ADCY2: variants seen among roughly 807,000 people sequenced by gnomAD.
ADCY2 encodes adenylate cyclase 2.
A neutral mutation model predicts 125.2 loss-of-function variants in ADCY2; 31 were observed. The observed-to-expected ratio is 0.25, with a 90% CI of 0.19 to 0.33. The LOEUF (loss-of-function observed/expected upper bound fraction) is 0.33. Ranked by LOEUF, ADCY2 falls within the 10% of genes least tolerant of loss-of-function variation. The pLI, the probability that ADCY2 is intolerant of heterozygous loss-of-function variation, is 1.00. For missense variants in ADCY2, 904 were observed against 1,418.2 expected (o/e 0.64, Z 5.82); for synonymous variants, 512 against 548.4 (o/e 0.93, Z 0.93).
intron 4 of ADCY2, among the ~76,000 whole-genome samples, chr5:7,635,751 A>G (rs1738478332): frequency 6.6e-6 from 1 of 152,188 alleles, no homozygotes; most frequent in Non-Finnish European, 1.5e-5. Context: ...CTCAAAGCAC[A>G]CTAACATTTG....
chr5:7,739,936 T>G (rs1329503994), intron 14 of ADCY2, among the ~76,000 whole-genome samples: 2 of 151,990 alleles, frequency 1.3e-5, no homozygotes, highest in African/African-American at 4.8e-5. Flanking sequence ...CAAAGGAAAC[T>G]TCATACCCAG....
intron 2 of ADCY2, among the ~76,000 whole-genome samples, chr5:7,488,885 C>T (rs562678104): frequency 2.2e-4 from 34 of 152,252 alleles, no homozygotes; most frequent in African/African-American, 6.3e-4. Context: ...GGCTCATTTG[C>T]GGTCCAGACC....
chr5:7,550,549 G>A (rs1170467515), intron 3 of ADCY2, among the ~76,000 whole-genome samples: 4 of 152,172 alleles, frequency 2.6e-5, no homozygotes, highest in Non-Finnish European at 5.9e-5. Context: ...CAAGCCTGTT[G>A]TCAGGACCCC....
intron 2 of ADCY2, among the ~76,000 whole-genome samples, chr5:7,497,004 C>T (rs1430841658): frequency 1.3e-5 from 2 of 152,152 alleles, no homozygotes; most frequent in Non-Finnish European, 2.9e-5. Context: ...TTCCCAACTA[C>T]ACTTGAATTG....
At chr5:7,461,794 T>G (rs1288675202) in intron 2 of ADCY2, among the ~76,000 whole-genome samples, 2 of 152,248 alleles carry the variant, frequency 1.3e-5, no homozygotes, top group Admixed American at 1.3e-4. Flanking sequence ...CCAAGCAACT[T>G]TAAAAATGTT....
intron 19 of ADCY2, among the ~76,000 whole-genome samples, chr5:7,785,022 T>C (rs908078195): frequency 2.0e-5 from 3 of 152,238 alleles, no homozygotes; most frequent in Admixed American, 6.5e-5. Flanking sequence ...TTATTCTTCC[T>C]CTGCCTTCAA....
intron 24 of ADCY2, among the ~76,000 whole-genome samples, chr5:7,826,360 G>A (rs144027661): frequency 1.8e-3 from 273 of 152,224 alleles, no homozygotes; most frequent in Non-Finnish European, 3.0e-3. Context: ...TCTTCAGTGT[G>A]AATACATAAC....
chr5:7,486,408 C>T (rs1055556513), intron 2 of ADCY2, among the ~76,000 whole-genome samples: 9 of 152,244 alleles, frequency 5.9e-5, no homozygotes, highest in East Asian at 1.9e-4. Flanking sequence ...ACTTTCTGTG[C>T]GAATTTCTCC....
intron 4 of ADCY2, among the ~76,000 whole-genome samples, chr5:7,689,663 C>T (rs1230008124): frequency 6.6e-6 from 1 of 152,044 alleles, no homozygotes; most frequent in African/African-American, 2.4e-5. Context: ...ACCCTGTGAA[C>T]CTGGAAGCAA....
chr5:7,821,741 A>C (rs944999694), intron 24 of ADCY2, among the ~76,000 whole-genome samples: 2 of 152,214 alleles, frequency 1.3e-5, no homozygotes, highest in African/African-American at 4.8e-5. Flanking sequence ...TTCAGACGAC[A>C]GGCTGTGTGA....
intron 15 of ADCY2, chr5:7,746,180 A>G (rs971045259): frequency 6.6e-6 from 1 of 152,456 alleles, no homozygotes; most frequent in African/African-American, 2.4e-5. Flanking sequence ...GAAGATTTCA[A>G]TGCTACAAAT....
At chr5:7,620,765 T>C (rs1737926704) in intron 3 of ADCY2, among the ~76,000 whole-genome samples, 1 of 152,232 alleles carries the variant, frequency 6.6e-6, no homozygotes, top group South Asian at 2.1e-4. Context: ...ATCATGTCCT[T>C]GTCTTCCCTT....
intron 4 of ADCY2, among the ~76,000 whole-genome samples, chr5:7,673,972 G>T (rs1740028014): frequency 6.6e-6 from 1 of 152,134 alleles, no homozygotes; most frequent in Non-Finnish European, 1.5e-5. Flanking sequence ...ACACCCATGT[G>T]TCCAGTGGGA....
chr5:7,585,822 T>C (rs1736608575), intron 3 of ADCY2, among the ~76,000 whole-genome samples: 3 of 152,204 alleles, frequency 2.0e-5, no homozygotes, highest in Admixed American at 2.0e-4. Context: ...GAGTAGCATT[T>C]AGGTGTTCTT....
At chr5:7,424,258 A>G (rs1349726357) in intron 2 of ADCY2, among the ~76,000 whole-genome samples, 1 of 152,254 alleles carries the variant, frequency 6.6e-6, no homozygotes, top group Non-Finnish European at 1.5e-5. Context: ...AAGGTCCTCC[A>G]GTAGCAGGCA....
intron 3 of ADCY2, among the ~76,000 whole-genome samples, chr5:7,614,999 G>A (rs1016909777): frequency 6.6e-6 from 1 of 152,180 alleles, no homozygotes; most frequent in Non-Finnish European, 1.5e-5. Context: ...TGGCCGAGGA[G>A]GCCTCAGGAA....
At chr5:7,678,203 T>G (rs1050575573) in intron 4 of ADCY2, among the ~76,000 whole-genome samples, 3 of 152,222 alleles carry the variant, frequency 2.0e-5, no homozygotes, top group Non-Finnish European at 2.9e-5. Context: ...TTGGCAGGGC[T>G]GCAGTTTATA....
At chr5:7,407,969 A>G (rs1400562527) in intron 1 of ADCY2, among the ~76,000 whole-genome samples, 1 of 151,502 alleles carries the variant, frequency 6.6e-6, no homozygotes, top group Non-Finnish European at 1.5e-5. Context: ...CCTGGGTTCA[A>G]GTGATTCTTG....
intron 17 of ADCY2, among the ~76,000 whole-genome samples, chr5:7,768,394 A>T (rs556599298): frequency 1.3e-5 from 2 of 152,138 alleles, no homozygotes; most frequent in Non-Finnish European, 2.9e-5. Flanking sequence ...TTCCTCCTTG[A>T]TCCAATGGCG....
Sources: gnomAD v4.1 joint callset for allele counts (sites outside exome capture counted in the v4.1 genomes callset) on GRCh38, gnomAD v4.1.1 for gene constraint, MANE v1.5 for transcripts, NCBI Gene and HGNC (gene_info 2026-07-23, HGNC 2026-07-21) for gene names.